The following ZNF559 variants were observed in gnomAD, a reference collection of about 807,000 sequenced individuals.
The protein encoded by ZNF559 is zinc finger protein 559, also known as putative protein product of Nbla00121.
A neutral mutation model predicts 14.2 loss-of-function variants in ZNF559; 17 were observed. The observed-to-expected ratio is 1.20, with a 90% CI of 0.82 to 1.80. The LOEUF (loss-of-function observed/expected upper bound fraction) is 1.80, where lower values mean the gene tolerates loss of function less well. ZNF559 is among the 40% of genes most tolerant of loss of function. ZNF559 has a pLI of 0.00. For missense variants in ZNF559, 740 were observed against 629.7 expected (o/e 1.18, Z -1.88); for synonymous variants, 244 against 212.4 (o/e 1.15, Z -1.29).
rs2067675857 is a variant in ZNF559, at chr19:9,343,912, T to C, written c.*844T>C. 2 of 697,636 alleles carry C rather than the reference T, an allele frequency of 2.9e-6. No homozygotes were observed. Among genetic ancestry groups the C allele is most frequent in the Non-Finnish European group, 3.5e-6 (2 of 567,724 alleles). 43.2% of individuals were successfully genotyped at this position (697,636 alleles called of 1,614,324 possible). ...TCTTTATTATTGAGGAGTTCCACTC[T>C]TTCCCCCATTTGTCACTACTACACT... is the stretch of plus-strand genomic sequence containing the variant. On this transcript the variant is annotated 3_prime_UTR_variant, in exon 7 of 7. Transcript: ENST00000603380.
intron 2 of ZNF559, among the ~76,000 whole-genome samples, chr19:9,327,762 T>A (rs2066703656): frequency 6.6e-6 from 1 of 152,208 alleles, no homozygotes; most frequent in Non-Finnish European, 1.5e-5. Context: ...TTTTTTTTCT[T>A]TTCATTCACT....
chr19:9,342,689 AGT>A lies in ZNF559; in HGVS notation c.1242_1243del (p.Cys414TrpfsTer24), dbSNP rs761681745. ...GGTGTAAAACCCTATGACTGTCAAC[AGT>A]GTGGGAAAGCCTTCATTCGATCCTC... On this transcript the variant is annotated frameshift_variant, in exon 7 of 7. Transcript: ENST00000603380. LOFTEE classifies it low-confidence loss of function (END_TRUNC). 6.2e-6 allele frequency: 10 copies of A among 1,614,204 alleles called. No homozygotes were observed. The highest frequency in any genetic ancestry group is 7.6e-6 in the Non-Finnish European group (9 of 1,180,034).
At chr19:9,324,251 C>T (rs529399270) in intron 1 of ZNF559, 23 bp downstream of exon 1, 83 of 1,536,046 alleles carry the variant, frequency 5.4e-5, no homozygotes, top group Admixed American at 2.9e-4. Context: ...TTCTGGGCGG[C>T]GTTCGGTGGT....
chr19:9,325,935 C>T (rs1242376032), intron 2 of ZNF559, among the ~76,000 whole-genome samples: 1 of 151,980 alleles, frequency 6.6e-6, no homozygotes, highest in African/African-American at 2.4e-5. Flanking sequence ...CAAATACCTC[C>T]TGAAAGTGAA....
chr19:9,336,683 T>G (rs1427819671), intron 2 of ZNF559, among the ~76,000 whole-genome samples: 1 of 152,196 alleles, frequency 6.6e-6, no homozygotes, highest in African/African-American at 2.4e-5. Context: ...ATTTTTTGTA[T>G]AGTTGACTGC....
At chr19:9,337,543 T>A (rs537408204) in intron 2 of ZNF559, among the ~76,000 whole-genome samples, 17 of 152,292 alleles carry the variant, frequency 1.1e-4, no homozygotes, top group African/African-American at 3.8e-4. Flanking sequence ...GGAGTTTAGG[T>A]TTGTGAGTCA....
intron 2 of ZNF559, chr19:9,330,093 T>G (rs2066859117): frequency 6.6e-6 from 1 of 152,262 alleles, no homozygotes; most frequent in Non-Finnish European, 1.5e-5. Context: ...TTTGTAGTTT[T>G]TATTCCTGTC....
intron 3 of ZNF559, 83 bp from the exon 4 acceptor site, chr19:9,338,411 A>G (rs2067358823): frequency 4.1e-6 from 4 of 975,760 alleles, no homozygotes; most frequent in African/African-American, 1.6e-5. Flanking sequence ...TCCACTTAGC[A>G]TTAGTATGAG....
intron 6 of ZNF559, 37 bp downstream of exon 6, chr19:9,341,221 T>G: frequency 6.4e-7 from 1 of 1,571,764 alleles, no homozygotes; most frequent in Admixed American, 1.7e-5. Context: ...GTCTTCCATG[T>G]TAGAGGAAGA....
intron 2 of ZNF559, among the ~76,000 whole-genome samples, chr19:9,334,672 A>C (rs1412034753): frequency 6.6e-6 from 1 of 152,244 alleles, no homozygotes; most frequent in Non-Finnish European, 1.5e-5. Flanking sequence ...TCTTTTGTGA[A>C]TATATATTTC....
At chr19:9,333,457 C>T (rs1001406204) in intron 2 of ZNF559, among the ~76,000 whole-genome samples, 9 of 152,112 alleles carry the variant, frequency 5.9e-5, no homozygotes, top group Non-Finnish European at 1.0e-4. Flanking sequence ...AATCCCAGCA[C>T]TTGGGGAGGC....
At chr19:9,325,224 C>T (rs895455119) in intron 2 of ZNF559, among the ~76,000 whole-genome samples, 1 of 151,928 alleles carries the variant, frequency 6.6e-6, no homozygotes, top group Non-Finnish European at 1.5e-5. Flanking sequence ...GCTGGAGGAT[C>T]GCTTGAGCCC....
intron 4 of ZNF559, among the ~76,000 whole-genome samples, 176 bp downstream of exon 4, chr19:9,338,758 G>A (rs565411653): frequency 1.3e-5 from 2 of 152,268 alleles, no homozygotes; most frequent in South Asian, 2.1e-4. Flanking sequence ...GTTTCACAGG[G>A]AAATGATTGT....
At position 9,341,973 on chromosome 19, in the gene ZNF559, T is replaced by C; in HGVS notation, c.522T>C (p.Val174=). ...AAACTAGCCAAAATCTACATCTTGTTTGCAAGAAAACTCACACTCAAGAGA... is the reference window on the plus strand; with the variant it reads ...AAACTAGCCAAAATCTACATCTTGTCTGCAAGAAAACTCACACTCAAGAGA... ...CKKTSQNLHL[V]CKKTHTQEKP... is the part of the protein sequence containing the mutation. Residue 174 remains valine (V), a synonymous_variant, in exon 7 of 7, where the codon GTT becomes GTC. Transcript: ENST00000603380. 1 of 1,613,664 alleles carries C rather than the reference T, an allele frequency of 6.2e-7. No individual in the cohort carries two copies. The highest frequency in any genetic ancestry group is 8.5e-7 in the Non-Finnish European group (1 of 1,179,896).
intron 2 of ZNF559, among the ~76,000 whole-genome samples, chr19:9,326,609 A>G (rs1394133102): frequency 6.6e-6 from 1 of 152,216 alleles, no homozygotes; most frequent in Non-Finnish European, 1.5e-5. Context: ...TAAAAATTTT[A>G]GTAGCCAAAT....
chr19:9,341,986 C>G lies in ZNF559; in HGVS notation c.535C>G (p.His179Asp). The change falls in exon 7 of 7, where the codon CAC becomes GAC. Residue 179 changes from histidine to aspartate, a missense_variant. By Grantham distance (81) the His-to-Asp change is moderately conservative. Coordinates refer to ENST00000603380, the MANE Select transcript of ZNF559 (RefSeq NM_032497.3). The stretch of plus-strand genomic sequence containing the variant: ...TCTACATCTTGTTTGCAAGAAAACT[C>G]ACACTCAAGAGAAACCATATAAATG... ...QNLHLVCKKT[H>D]TQEKPYKCSD... 2 of 1,613,528 alleles carry G rather than the reference C, an allele frequency of 1.2e-6. No individual in the cohort carries two copies. The highest frequency in any genetic ancestry group is 2.2e-5 in the South Asian group (2 of 90,878).
intron 2 of ZNF559, among the ~76,000 whole-genome samples, chr19:9,325,506 C>T (rs1315777785): frequency 6.6e-6 from 1 of 151,772 alleles, no homozygotes; most frequent in African/African-American, 2.4e-5. Context: ...AAACAAATGT[C>T]TTTAGTCCAG....
intron 2 of ZNF559, 160 bp from the exon 3 acceptor site, chr19:9,337,636 A>G (rs2067313155): frequency 6.3e-6 from 2 of 317,346 alleles, no homozygotes; most frequent in South Asian, 4.0e-5. Flanking sequence ...GGTTTCCTCA[A>G]CTAATATGAT....
intron 2 of ZNF559, among the ~76,000 whole-genome samples, chr19:9,327,104 G>A (rs544982559): frequency 6.6e-6 from 1 of 152,216 alleles, no homozygotes; most frequent in East Asian, 1.9e-4. Flanking sequence ...GTGATACTAC[G>A]CATTTGGTCA....
Sources: allele counts gnomAD v4.1 joint callset (sites outside exome capture counted in the v4.1 genomes callset), GRCh38; gene constraint gnomAD v4.1.1; transcripts MANE v1.5; gene names NCBI Gene and HGNC (gene_info 2026-07-23, HGNC 2026-07-21).